Variants in CRISPLD2 observed in about 807,000 individuals in gnomAD.
CRISPLD2 encodes cysteine rich secretory protein LCCL domain containing 2.
Under a neutral mutation model 71.1 loss-of-function variants are expected in CRISPLD2, and 47 were observed. The observed-to-expected ratio is 0.66, with a 90% CI of 0.52 to 0.84. The LOEUF is 0.84. Among genes scored for constraint, CRISPLD2 ranks in the 40% least tolerant of loss-of-function variants. CRISPLD2 has a pLI of 0.00. For missense variants in CRISPLD2, 830 were observed against 651.1 expected (o/e 1.27, Z -2.99); for synonymous variants, 317 against 250.1 (o/e 1.27, Z -2.52).
intron 11 of CRISPLD2, among the ~76,000 whole-genome samples, chr16:84,875,852 C>T (rs2143299237): frequency 6.6e-6 from 1 of 151,868 alleles, no homozygotes; most frequent in East Asian, 2.0e-4. Context: ...ATGCGTGAGC[C>T]ATTGCACCCG....
intron 1 of CRISPLD2, among the ~76,000 whole-genome samples, chr16:84,835,160 G>A (rs971111697): frequency 6.6e-6 from 1 of 151,998 alleles, no homozygotes; most frequent in Non-Finnish European, 1.5e-5. Flanking sequence ...GCATGATCTC[G>A]GCTCACTGCA....
intron 13 of CRISPLD2, 110 bp from the exon 14 acceptor site, chr16:84,889,120 G>A (rs2071638397): frequency 7.2e-7 from 1 of 1,382,054 alleles, no homozygotes; most frequent in Non-Finnish European, 1.0e-6. Context: ...GGTTGATGGG[G>A]TCCACATCCC....
chr16:84,906,200 G>A (rs1030427320), intron 14 of CRISPLD2, among the ~76,000 whole-genome samples: 6 of 152,024 alleles, frequency 3.9e-5, no homozygotes, highest in African/African-American at 1.5e-4. Context: ...CCTGGCATAT[G>A]CAGTAGTGCT....
chr16:84,863,751 C>T (rs1397737533), intron 6 of CRISPLD2, among the ~76,000 whole-genome samples: 1 of 152,032 alleles, frequency 6.6e-6, no homozygotes, highest in African/African-American at 2.4e-5. Context: ...GGGCAGATCA[C>T]CGAGGTCGGG....
rs1175259354 is a variant in CRISPLD2, at chr16:84,842,337, C to CTCCTTCTTTCCT, written c.241-3431_241-3420dup. 9.2e-4 allele frequency: 132 copies of CTCCTTCTTTCCT among 143,594 alleles called. 1 individual carries two copies. The highest frequency in any genetic ancestry group is 3.1e-3 in the African/African-American group (122 of 39,158). The allele number at this position is 143,594 out of a possible 1,614,324, so 8.9% of individuals were successfully genotyped here. On this transcript the variant is annotated intron_variant, in intron 2 of 14. Transcript: ENST00000262424. ...CCGCCCTCCGTCCCTCCCTCCCTCC[C>CTCCTTCTTTCCT]TCCTTCTTTCCTTCCTTCTTTCCTT...
At chr16:84,863,357 G>A (rs926044313) in intron 6 of CRISPLD2, among the ~76,000 whole-genome samples, 1 of 152,182 alleles carries the variant, frequency 6.6e-6, no homozygotes, top group East Asian at 1.9e-4. Context: ...AGCTAAGCAC[G>A]CAGCAAGTCT....
At chr16:84,837,745 G>C (rs560530737) in intron 1 of CRISPLD2, among the ~76,000 whole-genome samples, 122 of 152,282 alleles carry the variant, frequency 8.0e-4, no homozygotes, top group African/African-American at 2.9e-3. Flanking sequence ...TGTAAAATGG[G>C]GATGAGAACA....
In CRISPLD2 at chr16:84,880,611, A is replaced by G. The variant is rs182202972; in HGVS notation, c.1305+27A>G. 709 of 1,598,172 alleles carry G rather than the reference A, an allele frequency of 4.4e-4. 2 individuals are homozygous for G. Among genetic ancestry groups the G allele is most frequent in the African/African-American group, 3.0e-3 (227 of 74,666 alleles). ...TGAGTAGGATGCATTTTCAACAACT[A>G]TCTCGCAAAGCCTGTTAAAGACCTC... On this transcript the variant is annotated intron_variant, in intron 13 of 14. Coordinates refer to ENST00000262424, the MANE Select transcript of CRISPLD2 (RefSeq NM_031476.4).
chr16:84,823,786 G>A (rs1036371278), intron 1 of CRISPLD2, among the ~76,000 whole-genome samples: 1 of 152,170 alleles, frequency 6.6e-6, no homozygotes, highest in Admixed American at 6.6e-5. Context: ...AAAACGTCCT[G>A]ATGAGGATTG....
At chr16:84,826,400 A>C (rs1240760987) in intron 1 of CRISPLD2, among the ~76,000 whole-genome samples, 6 of 152,218 alleles carry the variant, frequency 3.9e-5, no homozygotes, top group Non-Finnish European at 8.8e-5. Flanking sequence ...TGTCCTGAGG[A>C]TGCTGGCACC....
At chr16:84,865,458 G>A (rs760172274) in intron 6 of CRISPLD2, among the ~76,000 whole-genome samples, 2 of 152,172 alleles carry the variant, frequency 1.3e-5, no homozygotes, top group Non-Finnish European at 2.9e-5. Context: ...ACCTGGCCCT[G>A]AAACTTGGAT....
chr16:84,873,640 G>C (rs1476725595), intron 10 of CRISPLD2: 4 of 354,828 alleles, frequency 1.1e-5, no homozygotes, highest in Non-Finnish European at 2.0e-5. Flanking sequence ...TTATTTTGCA[G>C]CTGTGGTTAG....
intron 14 of CRISPLD2, among the ~76,000 whole-genome samples, chr16:84,892,149 C>A (rs1282075757): frequency 6.6e-6 from 1 of 152,176 alleles, no homozygotes; most frequent in African/African-American, 2.4e-5. Flanking sequence ...GGTGGCAGGG[C>A]AGGAGGTCTC....
intron 13 of CRISPLD2, 180 bp downstream of exon 13, chr16:84,880,764 G>C: frequency 4.2e-6 from 2 of 480,852 alleles, no homozygotes; most frequent in Non-Finnish European, 7.4e-6. Context: ...GGAGTACAGT[G>C]GAGTAATCTT....
intron 6 of CRISPLD2, among the ~76,000 whole-genome samples, chr16:84,857,711 C>G (rs1234978257): frequency 6.6e-6 from 1 of 152,186 alleles, no homozygotes; most frequent in African/African-American, 2.4e-5. Context: ...GAACCAGGCC[C>G]TAGTCTTTTT....
intron 5 of CRISPLD2, among the ~76,000 whole-genome samples, chr16:84,852,314 A>G (rs1163873701): frequency 6.7e-6 from 1 of 149,908 alleles, no homozygotes; most frequent in East Asian, 2.0e-4. Flanking sequence ...TACCATCCAG[A>G]TGGAGATGGA....
chr16:84,827,755 C>T (rs1310459723), intron 1 of CRISPLD2, among the ~76,000 whole-genome samples: 1 of 151,922 alleles, frequency 6.6e-6, no homozygotes, highest in Non-Finnish European at 1.5e-5. Context: ...TTAGTAGAGA[C>T]AGGGTTTCAC....
chr16:84,891,700 C>T (rs1318023622), intron 14 of CRISPLD2, among the ~76,000 whole-genome samples: 4 of 152,204 alleles, frequency 2.6e-5, no homozygotes, highest in Non-Finnish European at 5.9e-5. Context: ...ATGAGAACAT[C>T]ACAGCAGTGC....
chr16:84,857,893 T>G (rs1392521850), intron 6 of CRISPLD2, among the ~76,000 whole-genome samples: 1 of 152,150 alleles, frequency 6.6e-6, no homozygotes, highest in Non-Finnish European at 1.5e-5. Context: ...CCACTTCCAT[T>G]TGATGATGGA....
Sources: allele counts gnomAD v4.1 joint callset (sites outside exome capture counted in the v4.1 genomes callset), GRCh38; gene constraint gnomAD v4.1.1; transcripts MANE v1.5; gene names NCBI Gene and HGNC (gene_info 2026-07-23, HGNC 2026-07-21).